The following ATP2B1 variants were observed in gnomAD, a reference collection of about 807,000 sequenced individuals.
The protein encoded by ATP2B1 is ATPase plasma membrane Ca2+ transporting 1.
A neutral mutation model predicts 124.2 loss-of-function variants in ATP2B1; 14 were observed. That is an observed-to-expected ratio of 0.11 (90% CI 0.07 to 0.18). ATP2B1 has a LOEUF of 0.18. Among genes scored for constraint, ATP2B1 ranks in the 10% least tolerant of loss-of-function variants. ATP2B1 has a pLI of 1.00. For synonymous variants in ATP2B1, 449 were observed against 492.4 expected (o/e 0.91, Z 1.17); for missense variants, 763 against 1,466.1 (o/e 0.52, Z 7.83).
At chr12:89,709,279 G>GCGCAGCTGCTCCCGCTGCCAC (rs1380841384), upstream of ATP2B1, 2 of 152,054 alleles carry the variant, frequency 1.3e-5, no homozygotes, top group Non-Finnish European at 2.9e-5. Flanking sequence ...CACGCTGGCG[G>GCGCAGCTGCTCCCGCTGCCAC]CGCAGCTGCT....
rs1174275304 is a variant in ATP2B1, at chr12:89,630,529, C to A, written c.904G>T (p.Asp302Tyr). 1.3e-6 allele frequency: 2 copies of A among 1,576,754 alleles called. No homozygotes were observed. Among genetic ancestry groups the A allele is most frequent in the African/African-American group, 2.7e-5 (2 of 72,996 alleles). ...CTTTTCTTTTCCTTTTTCTTCTCAT[C>A]TTTCTTCTCTTCCTCTTCACCTCCA... ...GAGGEEEEKK[D>Y]EKKKEKKNKK... The change falls in exon 6 of 21, where the codon GAT becomes TAT. Residue 302 changes from aspartate (D) to tyrosine (Y), a missense_variant. This residue lies in a region of ATP2B1 where 392 missense variants were observed against 776.6 expected (regional missense o/e 0.50). Transcript: ENST00000428670.
At chr12:89,607,533 A>G (rs1877152029) in intron 15 of ATP2B1, among the ~76,000 whole-genome samples, 1 of 152,204 alleles carries the variant, frequency 6.6e-6, no homozygotes, top group Non-Finnish European at 1.5e-5. Flanking sequence ...CACAGTCTCA[A>G]TATTTGGAGT....
intron 19 of ATP2B1, among the ~76,000 whole-genome samples, chr12:89,599,608 C>T (rs2135915898): frequency 6.6e-6 from 1 of 152,050 alleles, no homozygotes; most frequent in South Asian, 2.1e-4. Flanking sequence ...TATGTATTTA[C>T]TTAAAAAGTC....
At chr12:89,688,643 T>A (rs1280325245) in intron 1 of ATP2B1, among the ~76,000 whole-genome samples, 3 of 152,098 alleles carry the variant, frequency 2.0e-5, no homozygotes, top group Non-Finnish European at 4.4e-5. Context: ...GAATGAATAC[T>A]CCTTTTGTCA....
At chr12:89,643,351 T>C (rs1388071664) in intron 2 of ATP2B1, among the ~76,000 whole-genome samples, 1 of 152,112 alleles carries the variant, frequency 6.6e-6, no homozygotes, top group Admixed American at 6.5e-5. Flanking sequence ...AGTCTGATTT[T>C]TTACTCTCAT....
intron 1 of ATP2B1, among the ~76,000 whole-genome samples, chr12:89,698,122 C>A (rs534566813): frequency 5.9e-5 from 9 of 152,280 alleles, no homozygotes; most frequent in African/African-American, 1.9e-4. Context: ...CCACTCATAT[C>A]TTTTATCACC....
chr12:89,673,754 A>C (rs961436561), intron 1 of ATP2B1, among the ~76,000 whole-genome samples: 7 of 152,202 alleles, frequency 4.6e-5, no homozygotes, highest in Non-Finnish European at 8.8e-5. Flanking sequence ...GGTCTTATAC[A>C]TATCAGCTAT....
At chr12:89,708,002 G>A (rs1427673295) in intron 1 of ATP2B1, among the ~76,000 whole-genome samples, 1 of 152,188 alleles carries the variant, frequency 6.6e-6, no homozygotes, top group Non-Finnish European at 1.5e-5. Flanking sequence ...GGGGCCAGAC[G>A]GAAGGCGTGA....
intron 2 of ATP2B1, among the ~76,000 whole-genome samples, chr12:89,648,304 A>T (rs1256357772): frequency 6.6e-6 from 1 of 152,186 alleles, no homozygotes; most frequent in Non-Finnish European, 1.5e-5. Context: ...TAAACACTGA[A>T]GTCCAAGCTG....
At chr12:89,660,169 T>A (rs1466167066) in intron 1 of ATP2B1, among the ~76,000 whole-genome samples, 1 of 152,152 alleles carries the variant, frequency 6.6e-6, no homozygotes, top group East Asian at 1.9e-4. Context: ...AAGAGGTGTT[T>A]TCTTAACGCA....
At chr12:89,656,611 T>C (rs1017695554) in intron 1 of ATP2B1, among the ~76,000 whole-genome samples, 3 of 152,208 alleles carry the variant, frequency 2.0e-5, no homozygotes, top group African/African-American at 7.2e-5. Context: ...GTCTTTCATA[T>C]GGAATAGCCC....
intron 20 of ATP2B1, among the ~76,000 whole-genome samples, chr12:89,596,930 C>T (rs1326237747): frequency 6.6e-6 from 1 of 152,086 alleles, no homozygotes; most frequent in East Asian, 1.9e-4. Context: ...TCACTGAGGC[C>T]TCATTTGGTG....
At chr12:89,624,158 G>A (rs774164839) in intron 9 of ATP2B1, 25 bp downstream of exon 9, 69 of 1,599,510 alleles carry the variant, frequency 4.3e-5, no homozygotes, top group Admixed American at 1.0e-4. Flanking sequence ...ACATAACAAC[G>A]TCTACTGAAC....
chr12:89,655,606 G>A, intron 2 of ATP2B1, 73 bp downstream of exon 2: 1 of 1,376,510 alleles, frequency 7.3e-7, no homozygotes, highest in Non-Finnish European at 1.0e-6. Context: ...GATAATATAA[G>A]CATGCTCATT....
intron 1 of ATP2B1, among the ~76,000 whole-genome samples, chr12:89,656,576 A>T (rs1007677715): frequency 2.0e-5 from 3 of 152,218 alleles, no homozygotes; most frequent in Non-Finnish European, 4.4e-5. Context: ...TCCTTTTAAC[A>T]TTATACTTGG....
chr12:89,649,247 A>C (rs77997202), intron 2 of ATP2B1, among the ~76,000 whole-genome samples: 2,114 of 152,358 alleles, frequency 0.014, 39 homozygotes, highest in Middle Eastern at 0.034. Context: ...TCCTAAGCCT[A>C]GAAAGCCTCA....
Position 89,590,930 on chromosome 12 carries a change from A to G in ATP2B1, c.*54T>C. 6.6e-7 allele frequency: 1 copy of G among 1,516,268 alleles called. No individual in the cohort carries two copies. The highest frequency in any genetic ancestry group is 9.0e-7 in the Non-Finnish European group (1 of 1,109,480). 93.9% of individuals were successfully genotyped at this position (1,516,268 alleles called of 1,614,324 possible). ...TCCATCACAATATGTGAAAAGACCCAGTTTCAATTTGTTTCTTTACAATGC... is the reference window on the plus strand; with the variant it reads ...TCCATCACAATATGTGAAAAGACCCGGTTTCAATTTGTTTCTTTACAATGC... On this transcript the variant is annotated 3_prime_UTR_variant, in exon 21 of 21. Transcript: ENST00000428670.
At chr12:89,650,258 C>G (rs1288319045) in intron 2 of ATP2B1, among the ~76,000 whole-genome samples, 1 of 152,166 alleles carries the variant, frequency 6.6e-6, no homozygotes, top group Non-Finnish European at 1.5e-5. Context: ...GTTTATTCTT[C>G]TTGGGAAACA....
chr12:89,663,019 A>G (rs1415245545), intron 1 of ATP2B1, among the ~76,000 whole-genome samples: 2 of 152,200 alleles, frequency 1.3e-5, no homozygotes, highest in Non-Finnish European at 2.9e-5. Flanking sequence ...ACTGTAACTC[A>G]TGGGAGAATC....
Sources: gnomAD v4.1 joint callset for allele counts (sites outside exome capture counted in the v4.1 genomes callset) on GRCh38, gnomAD v4.1.1 for gene constraint, gnomAD v4.1.1 regional missense constraint, MANE v1.5 for transcripts, NCBI Gene and HGNC (gene_info 2026-07-23, HGNC 2026-07-21) for gene names.